The following ROBO1 variants were observed in gnomAD, a reference collection of about 807,000 sequenced individuals.
The protein encoded by ROBO1 is roundabout guidance receptor 1.
Under a neutral mutation model 195.9 loss-of-function variants are expected in ROBO1, and 149 were observed. That is an observed-to-expected ratio of 0.76 (90% confidence interval 0.67 to 0.87). ROBO1 has a LOEUF of 0.87. Ranked by LOEUF, ROBO1 falls within the 40% of genes least tolerant of loss-of-function variation. The pLI is 0.00. For synonymous variants in ROBO1, 816 were observed against 733.2 expected (o/e 1.11, Z -1.82); for missense variants, 1,933 against 2,068.3 (o/e 0.93, Z 1.27).
Position 78,639,782 on chromosome 3 carries a change from C to G in ROBO1, c.2999G>C (p.Gly1000Ala). 2 of 1,613,392 alleles carry G rather than the reference C, an allele frequency of 1.2e-6. No individual in the cohort carries two copies. Among genetic ancestry groups the G allele is most frequent in the Non-Finnish European group, 1.7e-6 (2 of 1,179,454 alleles). ...GGTAGTGAGGTTGCTGTCGCTGTTT[C>G]CATTGCCTGCCGTGCAGCAGCTGAT... The part of the protein sequence containing the change: ...CSISCCTAGN[G>A]NSDSNLTTYS... The change falls in exon 22 of 31, where the codon GGA becomes GCA. Residue 1000 changes from glycine to alanine, a missense_variant. Physicochemically the swap from Gly to Ala is moderately conservative, Grantham distance 60. This residue lies in a region of ROBO1 where 1,737 missense variants were observed against 1,882.5 expected (regional missense o/e 0.92). Transcript: ENST00000464233.
intron 3 of ROBO1, among the ~76,000 whole-genome samples, chr3:79,065,033 G>T (rs1211428860): frequency 6.6e-6 from 1 of 151,962 alleles, no homozygotes; most frequent in Non-Finnish European, 1.5e-5. Context: ...TGATCAGGTG[G>T]AGGTTGTATG....
chr3:79,090,080 C>T (rs1181808583), intron 3 of ROBO1, among the ~76,000 whole-genome samples: 2 of 151,896 alleles, frequency 1.3e-5, no homozygotes, highest in African/African-American at 4.8e-5. Flanking sequence ...GCTAGGACTA[C>T]AGGCATGCAC....
At chr3:78,623,783 G>C (rs1704594260) in intron 26 of ROBO1, among the ~76,000 whole-genome samples, 1 of 152,108 alleles carries the variant, frequency 6.6e-6, no homozygotes, top group Non-Finnish European at 1.5e-5. Context: ...ATGATATTTA[G>C]GCAGTAAAAA....
intron 3 of ROBO1, among the ~76,000 whole-genome samples, chr3:79,082,802 A>G (rs932191811): frequency 4.6e-5 from 7 of 151,866 alleles, no homozygotes; most frequent in Admixed American, 1.3e-4. Context: ...GGCAGGTTGA[A>G]CCTCACTTGT....
At chr3:79,052,578 A>G (rs530932322) in intron 3 of ROBO1, among the ~76,000 whole-genome samples, 1 of 152,196 alleles carries the variant, frequency 6.6e-6, no homozygotes, top group South Asian at 2.1e-4. Context: ...CTGGTTTTGC[A>G]GCTCAGGGGG....
chr3:79,685,858 C>A (rs1234953863), intron 1 of ROBO1, among the ~76,000 whole-genome samples: 2 of 152,162 alleles, frequency 1.3e-5, no homozygotes, highest in Non-Finnish European at 2.9e-5. Context: ...GGAATCTTCC[C>A]TAACTCATTT....
intron 2 of ROBO1, among the ~76,000 whole-genome samples, chr3:79,300,949 C>T (rs896457519): frequency 4.6e-5 from 7 of 152,082 alleles, no homozygotes; most frequent in East Asian, 1.9e-4. Context: ...CACCAATCAG[C>T]GCCCTGTCAA....
chr3:79,369,511 A>G (rs2036109631), intron 2 of ROBO1, among the ~76,000 whole-genome samples: 2 of 152,200 alleles, frequency 1.3e-5, no homozygotes, highest in South Asian at 4.1e-4. Flanking sequence ...GATTTTAGCA[A>G]GTACAATGAG....
intron 14 of ROBO1, among the ~76,000 whole-genome samples, chr3:78,665,529 C>T (rs1707680788): frequency 6.6e-6 from 1 of 152,126 alleles, no homozygotes; most frequent in African/African-American, 2.4e-5. Flanking sequence ...TTCTGATTCT[C>T]TTATTTGGCA....
Position 79,282,533 on chromosome 3 carries a change from A to C in ROBO1, c.89-156994T>G, listed in dbSNP as rs193016225. On this transcript the variant is annotated intron_variant, in intron 2 of 30. Transcript: ENST00000464233. ...TAGCAAATGAATTTGTAAAACATTG[A>C]GAAGGTAAAACATGTGTAGACCTCT... 3.7e-3 allele frequency among the ~76,000 whole-genome samples: 559 copies of C among 152,338 alleles called. 4 individuals carry two copies. The highest frequency in any genetic ancestry group is 0.01 in the Middle Eastern group (3 of 294).
intron 2 of ROBO1, among the ~76,000 whole-genome samples, chr3:79,577,520 G>A (rs1943525170): frequency 6.6e-6 from 1 of 152,030 alleles, no homozygotes; most frequent in Middle Eastern, 3.2e-3. Context: ...AAGATATAAG[G>A]TAAATACTGG....
chr3:79,506,375 A>T (rs1940397147), intron 2 of ROBO1, among the ~76,000 whole-genome samples: 1 of 152,186 alleles, frequency 6.6e-6, no homozygotes, highest in South Asian at 2.1e-4. Flanking sequence ...TTATCTGTTT[A>T]TTGAAGTAGG....
intron 1 of ROBO1, among the ~76,000 whole-genome samples, chr3:79,613,345 A>C (rs1173598485): frequency 6.6e-6 from 1 of 152,066 alleles, no homozygotes; most frequent in Non-Finnish European, 1.5e-5. Context: ...AACGTGCTAT[A>C]AATTAAAGAT....
At chr3:79,656,921 C>T (rs1160353171) in intron 1 of ROBO1, among the ~76,000 whole-genome samples, 1 of 151,220 alleles carries the variant, frequency 6.6e-6, no homozygotes, top group African/African-American at 2.4e-5. Context: ...ATGCTCTTGG[C>T]CGTAGATATA....
At chr3:79,624,423 AC>A (rs1431048532) in intron 1 of ROBO1, among the ~76,000 whole-genome samples, 1 of 152,118 alleles carries the variant, frequency 6.6e-6, no homozygotes, top group African/African-American at 2.4e-5. Context: ...CAGATTTAAG[AC>A]CCATCGGTAT....
intron 2 of ROBO1, among the ~76,000 whole-genome samples, chr3:79,229,311 G>T (rs2082281512): frequency 6.6e-6 from 1 of 152,058 alleles, no homozygotes; most frequent in Non-Finnish European, 1.5e-5. Flanking sequence ...ACTGACTACT[G>T]TGTAGGAGAA....
chr3:79,367,021 A>C (rs888131304), intron 2 of ROBO1, among the ~76,000 whole-genome samples: 2 of 152,216 alleles, frequency 1.3e-5, no homozygotes, highest in African/African-American at 4.8e-5. Context: ...TAAAGTTTAA[A>C]ATCTGCCCAT....
At chr3:78,857,440 G>A (rs2034524046) in intron 4 of ROBO1, among the ~76,000 whole-genome samples, 1 of 152,146 alleles carries the variant, frequency 6.6e-6, no homozygotes, top group Non-Finnish European at 1.5e-5. Context: ...TATTCTGAGT[G>A]TGGTATTTTG....
intron 2 of ROBO1, among the ~76,000 whole-genome samples, chr3:79,572,684 GGAA>G (rs1180949038): frequency 6.6e-6 from 1 of 152,030 alleles, no homozygotes; most frequent in Non-Finnish European, 1.5e-5. Flanking sequence ...GTCAAGTTAA[GGAA>G]GAAGTAGTAA....
Sources: allele counts gnomAD v4.1 joint callset (sites outside exome capture counted in the v4.1 genomes callset), GRCh38; gene constraint gnomAD v4.1.1; regional missense constraint gnomAD v4.1.1; transcripts MANE v1.5; gene names NCBI Gene and HGNC (gene_info 2026-07-23, HGNC 2026-07-21).